Variants in PTPRQ observed in about 807,000 individuals in gnomAD.
PTPRQ encodes the protein protein tyrosine phosphatase receptor type Q, also known as phosphatidylinositol phosphatase PTPRQ.
A neutral mutation model predicts 246.0 loss-of-function variants in PTPRQ; 199 were observed. That is an observed-to-expected ratio of 0.81 (90% CI 0.72 to 0.91). The LOEUF (loss-of-function observed/expected upper bound fraction) is 0.91, where lower values mean the gene tolerates loss of function less well. PTPRQ is among the 40% of genes least tolerant of loss of function. PTPRQ has a pLI of 0.00. For missense variants in PTPRQ, 2,624 were observed against 2,528.4 expected (o/e 1.04, Z -0.81); for synonymous variants, 869 against 853.2 (o/e 1.02, Z -0.32).
intron 15 of PTPRQ, 29 bp from the exon 16 acceptor site, chr12:80,506,540 T>G: frequency 6.9e-7 from 1 of 1,458,040 alleles, no homozygotes; most frequent in Non-Finnish European, 9.2e-7. Context: ...TTTTGTAAGT[T>G]TCAACTTACC....
intron 39 of PTPRQ, among the ~76,000 whole-genome samples, chr12:80,665,934 C>CA (rs932291291): frequency 2.0e-5 from 3 of 151,828 alleles, no homozygotes; most frequent in East Asian, 3.9e-4. Context: ...ATCAAAAAGA[C>CA]AAAAAAATAA....
chr12:80,677,730 G>A (rs1431904394), intron 43 of PTPRQ, among the ~76,000 whole-genome samples: 1 of 152,108 alleles, frequency 6.6e-6, no homozygotes, highest in Non-Finnish European at 1.5e-5. Flanking sequence ...AAGGTTTTGA[G>A]GTACAGTAGC....
chr12:80,476,475 G>C (rs375323693), intron 8 of PTPRQ, among the ~76,000 whole-genome samples: 1 of 152,208 alleles, frequency 6.6e-6, no homozygotes, highest in African/African-American at 2.4e-5. Context: ...ATGGCCCAAC[G>C]ATTGTCACAA....
chr12:80,542,397 T>C (rs1186743614), intron 22 of PTPRQ, 33 bp downstream of exon 22: 1 of 1,514,918 alleles, frequency 6.6e-7, no homozygotes, highest in Admixed American at 2.6e-5. Flanking sequence ...TCAAACAATT[T>C]CACTGTTGCA....
At position 80,669,077 on chromosome 12, in the gene PTPRQ, G is replaced by C; in HGVS notation, c.6263G>C (p.Arg2088Thr). 6.4e-7 allele frequency: 1 copy of C among 1,550,600 alleles called. No individual in the cohort carries two copies. Among genetic ancestry groups the C allele is most frequent in the Non-Finnish European group, 8.7e-7 (1 of 1,146,114 alleles). Residue 2088 changes from arginine to threonine, a missense_variant, in exon 40 of 45, where the codon AGA (arginine) becomes ACA (threonine). Arg to Thr is a moderately conservative substitution (Grantham distance 71). Coordinates refer to ENST00000644991, the MANE Select transcript of PTPRQ (RefSeq NM_001145026.2). Reference sequence around the variant, plus strand: ...CCAGGAACAGTTGGAGATTTTTGGAGAATGGTGTGGGAAACCAGAGCAAAA... The same window carrying C: ...CCAGGAACAGTTGGAGATTTTTGGACAATGGTGTGGGAAACCAGAGCAAAA... Reference protein sequence around the residue: ...PLPGTVGDFWRMVWETRAKTL... With the variant: ...PLPGTVGDFWTMVWETRAKTL...
chr12:80,541,821 C>CTA lies in PTPRQ; in HGVS notation c.3424_3425dup (p.Ile1143ThrfsTer14), dbSNP rs1386357912. 1.4e-5 allele frequency: 21 copies of CTA among 1,547,438 alleles called. No individual in the cohort carries two copies. Among genetic ancestry groups the CTA allele is most frequent in the African/African-American group, 2.7e-5 (2 of 72,788 alleles). ...ATTCTCTGATACCTATACTGCCCAG[C>CTA]TATACATCAAGACTGAAGAAGATGG... On this transcript the variant is annotated frameshift_variant, in exon 21 of 45. Coordinates refer to ENST00000644991, the MANE Select transcript of PTPRQ (RefSeq NM_001145026.2). LOFTEE classifies it high-confidence loss of function.
chr12:80,615,688 G>A (rs1294106534), intron 29 of PTPRQ, among the ~76,000 whole-genome samples: 1 of 151,078 alleles, frequency 6.6e-6, no homozygotes, highest in East Asian at 1.9e-4. Context: ...GGAAAACTGG[G>A]AGGCTGAAGG....
At chr12:80,627,697 T>G (rs1189640548) in intron 33 of PTPRQ, among the ~76,000 whole-genome samples, 3 of 152,108 alleles carry the variant, frequency 2.0e-5, no homozygotes, top group African/African-American at 7.2e-5. Flanking sequence ...ACAGACCAAT[T>G]TAATGTGATT....
chr12:80,511,742 GC>G (rs1218948646), intron 17 of PTPRQ, among the ~76,000 whole-genome samples: 1 of 152,192 alleles, frequency 6.6e-6, no homozygotes, highest in Middle Eastern at 3.2e-3. Flanking sequence ...AACTGCACAA[GC>G]TCTGTGGGGA....
intron 19 of PTPRQ, among the ~76,000 whole-genome samples, chr12:80,535,351 G>A (rs1205261802): frequency 6.6e-6 from 1 of 151,988 alleles, no homozygotes; most frequent in African/African-American, 2.4e-5. Flanking sequence ...CCTCCAATAA[G>A]TGTTCTCTAA....
At chr12:80,576,694 A>T (rs756786070) in intron 25 of PTPRQ, among the ~76,000 whole-genome samples, 6 of 151,236 alleles carry the variant, frequency 4.0e-5, no homozygotes, top group Non-Finnish European at 5.9e-5. Context: ...TTAACTATTG[A>T]TATAGACTCA....
intron 39 of PTPRQ, among the ~76,000 whole-genome samples, chr12:80,661,095 A>C (rs138821884): frequency 1.3e-5 from 2 of 152,002 alleles, no homozygotes; most frequent in Admixed American, 1.3e-4. Context: ...TACATATGAA[A>C]ACACAAACAC....
Position 80,608,138 on chromosome 12 carries a change from G to A in PTPRQ, c.4732-2301G>A, listed in dbSNP as rs995695612. On this transcript the variant is annotated intron_variant, in intron 27 of 44. Coordinates refer to ENST00000644991, the MANE Select transcript of PTPRQ (RefSeq NM_001145026.2). ...CAAGATGGGAAAGGGTGGAGGCGGG[G>A]TAGGAAGAGAAAAAAAATAGGAAGT... Among the ~76,000 whole-genome samples the A allele has an allele frequency of 3.3e-5, 5 of 150,634 alleles. 1 individual carries two copies. Among genetic ancestry groups the A allele is most frequent in the African/African-American group, 1.2e-4 (5 of 41,254 alleles).
At chr12:80,613,921 C>G in intron 29 of PTPRQ, 85 bp downstream of exon 29, 1 of 1,357,236 alleles carries the variant, frequency 7.4e-7, no homozygotes, top group South Asian at 2.1e-5. Flanking sequence ...AGTTTGTGTA[C>G]ACATGACATT....
Position 80,496,037 on chromosome 12 carries a change from G to A in PTPRQ, c.1921G>A (p.Ala641Thr), listed in dbSNP as rs1442215750. 5 of 1,550,332 alleles carry A rather than the reference G, an allele frequency of 3.2e-6. No individual in the cohort carries two copies. In the Admixed American group the frequency reaches 9.8e-5, roughly 30 times the overall value. Reference sequence around the variant, plus strand: ...CACAAAATACAAAATGAGAGTGGCAGCCTCAACCCACGTTGGAGAAAGTTC... The same window carrying A: ...CACAAAATACAAAATGAGAGTGGCAACCTCAACCCACGTTGGAGAAAGTTC... ...KYTKYKMRVA[A>T]STHVGESSLS... is the part of the protein sequence containing the mutation. The change falls in exon 13 of 45, where the codon GCC (alanine) becomes ACC (threonine). Residue 641 changes from alanine to threonine, a missense_variant. Transcript: ENST00000644991.
chr12:80,640,025 C>CGTGTGTGTGTGT (rs149812346), intron 35 of PTPRQ, among the ~76,000 whole-genome samples: 24 of 143,008 alleles, frequency 1.7e-4, no homozygotes, highest in African/African-American at 4.6e-4. Flanking sequence ...TGAAGATACA[C>CGTGTGTGTGTGT]GTGTGTGTGT....
chr12:80,613,303 G>A (rs1178234288), intron 28 of PTPRQ, among the ~76,000 whole-genome samples: 1 of 150,552 alleles, frequency 6.6e-6, no homozygotes, highest in African/African-American at 2.4e-5. Context: ...GGGTGACAAA[G>A]GGAGACCCTG....
At chr12:80,635,524 AG>A (rs1899613570) in intron 35 of PTPRQ, among the ~76,000 whole-genome samples, 1 of 152,118 alleles carries the variant, frequency 6.6e-6, no homozygotes, top group Non-Finnish European at 1.5e-5. Flanking sequence ...AGTACATAAA[AG>A]TCTAAGTTGT....
chr12:80,620,132 T>A, intron 31 of PTPRQ, 22 bp from the exon 32 acceptor site: 2 of 1,521,650 alleles, frequency 1.3e-6, no homozygotes, highest in African/African-American at 1.4e-5. Context: ...GGAATTATTG[T>A]TCTCTTTGTT....
Sources: allele counts gnomAD v4.1 joint callset (sites outside exome capture counted in the v4.1 genomes callset), GRCh38; gene constraint gnomAD v4.1.1; transcripts MANE v1.5; gene names NCBI Gene and HGNC (gene_info 2026-07-23, HGNC 2026-07-21).